HIBADH: variants seen among roughly 807,000 people sequenced by gnomAD.
The protein encoded by HIBADH is 3-hydroxyisobutyrate dehydrogenase, mitochondrial.
Under a neutral mutation model 36.1 loss-of-function variants are expected in HIBADH, and 25 were observed. The ratio of observed to expected loss-of-function variants is 0.69; its 90% CI spans 0.50 to 0.97. The LOEUF (loss-of-function observed/expected upper bound fraction) is 0.97. Ranked by LOEUF, HIBADH falls within the 50% of genes least tolerant of loss-of-function variation. HIBADH has a pLI of 0.00. For synonymous variants in HIBADH, 160 were observed against 149.5 expected, an observed-to-expected ratio of 1.07 and a Z score of -0.51; for missense variants, 421 against 418.0, an observed-to-expected ratio of 1.01 and a Z score of -0.06.
intron 4 of HIBADH, among the ~76,000 whole-genome samples, chr7:27,599,944 T>C (rs916200174): frequency 6.6e-6 from 1 of 151,162 alleles, no homozygotes; most frequent in Non-Finnish European, 1.5e-5. Flanking sequence ...TTGTTGCCAA[T>C]GGGAAAAAAA....
intron 4 of HIBADH, among the ~76,000 whole-genome samples, chr7:27,565,874 T>C (rs1269793700): frequency 6.6e-6 from 1 of 152,162 alleles, no homozygotes; most frequent in Non-Finnish European, 1.5e-5. Context: ...AATTCTGACA[T>C]ACAGATATAT....
intron 7 of HIBADH, among the ~76,000 whole-genome samples, chr7:27,528,053 G>A (rs1333626344): frequency 6.6e-6 from 1 of 151,298 alleles, no homozygotes; most frequent in African/African-American, 2.4e-5. Flanking sequence ...ATGAGCCACT[G>A]TGCCCAGCCG....
intron 4 of HIBADH, among the ~76,000 whole-genome samples, chr7:27,595,578 A>AGG (rs1491285009): frequency 5.7e-5 from 5 of 88,300 alleles, no homozygotes; most frequent in African/African-American, 1.7e-4. Context: ...CCATAAGGGC[A>AGG]GGTGTGTGTG....
chr7:27,651,803 T>TA (rs1431216838), intron 1 of HIBADH, among the ~76,000 whole-genome samples: 1 of 151,842 alleles, frequency 6.6e-6, no homozygotes, highest in African/African-American at 2.4e-5. Context: ...CAAGAAGAAA[T>TA]AAACCATGTA....
At chr7:27,575,983 G>A (rs1308935009) in intron 4 of HIBADH, among the ~76,000 whole-genome samples, 1 of 152,126 alleles carries the variant, frequency 6.6e-6, no homozygotes, top group Non-Finnish European at 1.5e-5. Flanking sequence ...TTTAACATAT[G>A]CAGTAAAAGT....
In HIBADH at chr7:27,526,273, A is replaced by G. The variant is rs765455324; in HGVS notation, c.952T>C (p.Tyr318His). The G allele has an allele frequency of 2.5e-6, 4 of 1,613,344 alleles. No homozygotes were observed. The highest frequency in any genetic ancestry group is 3.4e-6 in the Non-Finnish European group (4 of 1,179,740). The change falls in exon 8 of 8, where the codon TAC becomes CAC. Residue 318 changes from tyrosine to histidine, a missense_variant. Coordinates refer to ENST00000265395, the MANE Select transcript of HIBADH (RefSeq NM_152740.4). ...ACGGATGAGAAGTCTTTCTTTGAGT[A>G]GCCCTTTGCACACATCATCCTGTAG... ...QIYRMMCAKG[Y>H]SKKDFSSVFQ...
intron 1 of HIBADH, among the ~76,000 whole-genome samples, chr7:27,649,900 C>A (rs944073221): frequency 1.3e-5 from 2 of 150,980 alleles, no homozygotes; most frequent in South Asian, 2.1e-4. Flanking sequence ...AAAAAAAAAA[C>A]CCACTAACTT....
At chr7:27,585,179 GTATA>G (rs924069871) in intron 4 of HIBADH, among the ~76,000 whole-genome samples, 10 of 151,612 alleles carry the variant, frequency 6.6e-5, no homozygotes, top group African/African-American at 2.4e-4. Context: ...ATATATGTGT[GTATA>G]TATGCACACA....
intron 4 of HIBADH, among the ~76,000 whole-genome samples, chr7:27,562,343 A>G (rs1287246228): frequency 1.3e-5 from 2 of 152,196 alleles, no homozygotes; most frequent in Non-Finnish European, 1.5e-5. Context: ...TTGCTCACAC[A>G]TTACTTCTGT....
intron 1 of HIBADH, among the ~76,000 whole-genome samples, chr7:27,653,531 C>G (rs1463397401): frequency 2.6e-5 from 4 of 152,008 alleles, no homozygotes; most frequent in Non-Finnish European, 4.4e-5. Flanking sequence ...GTCAGGAGAT[C>G]GAGACCATCG....
intron 4 of HIBADH, among the ~76,000 whole-genome samples, chr7:27,615,708 C>T (rs1785412910): frequency 6.6e-6 from 1 of 151,906 alleles, no homozygotes; most frequent in Non-Finnish European, 1.5e-5. Flanking sequence ...ATAATACTTG[C>T]TAATGAAAAT....
At chr7:27,533,096 T>A (rs539483036) in intron 6 of HIBADH, among the ~76,000 whole-genome samples, 11 of 152,320 alleles carry the variant, frequency 7.2e-5, no homozygotes, top group Admixed American at 6.5e-4. Context: ...CTTAGATCTT[T>A]TAAGATGGTT....
intron 4 of HIBADH, among the ~76,000 whole-genome samples, chr7:27,567,258 T>C (rs1784559008): frequency 6.6e-6 from 1 of 152,110 alleles, no homozygotes; most frequent in South Asian, 2.1e-4. Context: ...TCTTGGTGAA[T>C]TGACTCTTAT....
chr7:27,576,543 A>G (rs1260378261), intron 4 of HIBADH, among the ~76,000 whole-genome samples: 1 of 152,200 alleles, frequency 6.6e-6, no homozygotes, highest in Non-Finnish European at 1.5e-5. Flanking sequence ...AGTGACCTCT[A>G]GTGGCCCATA....
intron 4 of HIBADH, among the ~76,000 whole-genome samples, chr7:27,628,311 T>C (rs1785684188): frequency 6.6e-6 from 1 of 152,134 alleles, no homozygotes; most frequent in African/African-American, 2.4e-5. Context: ...CATTAAGTTC[T>C]TTATAAAAAA....
intron 4 of HIBADH, among the ~76,000 whole-genome samples, chr7:27,553,556 G>C (rs1363815560): frequency 6.6e-6 from 1 of 152,206 alleles, no homozygotes; most frequent in African/African-American, 2.4e-5. Context: ...GCTTGAGGAG[G>C]ACTGATGCAG....
chr7:27,554,877 G>T (rs971987870), intron 4 of HIBADH, among the ~76,000 whole-genome samples: 16 of 152,140 alleles, frequency 1.1e-4, no homozygotes, highest in African/African-American at 3.9e-4. Flanking sequence ...TGGGGTTGGG[G>T]TACAGTTGAA....
intron 7 of HIBADH, among the ~76,000 whole-genome samples, chr7:27,528,844 C>T (rs1171772592): frequency 6.6e-6 from 1 of 152,216 alleles, no homozygotes; most frequent in African/African-American, 2.4e-5. Context: ...TCATCTAGGA[C>T]TTTCGCAGCT....
intron 4 of HIBADH, among the ~76,000 whole-genome samples, chr7:27,607,215 A>C (rs570053226): frequency 6.6e-6 from 1 of 151,696 alleles, no homozygotes; most frequent in Admixed American, 6.6e-5. Flanking sequence ...TGCTGTATTT[A>C]AAAGTCTGCG....
Sources: allele counts gnomAD v4.1 joint callset (sites outside exome capture counted in the v4.1 genomes callset), GRCh38; gene constraint gnomAD v4.1.1; transcripts MANE v1.5; gene names NCBI Gene and HGNC (gene_info 2026-07-23, HGNC 2026-07-21).